Variants in TBC1D22A observed in about 807,000 individuals in gnomAD.
The protein encoded by TBC1D22A is putative GTPase activator.
A neutral mutation model predicts 60.2 loss-of-function variants in TBC1D22A; 38 were observed. The ratio of observed to expected loss-of-function variants is 0.63; its 90% CI spans 0.49 to 0.83. The LOEUF (loss-of-function observed/expected upper bound fraction) is 0.83, where lower values mean the gene tolerates loss of function less well. TBC1D22A is among the 40% of genes least tolerant of loss of function. TBC1D22A has a pLI of 0.00. For missense variants in TBC1D22A, 628 were observed against 701.0 expected (o/e 0.90, Z 1.18); for synonymous variants, 302 against 281.7 (o/e 1.07, Z -0.72).
rs1462860104 is a variant in TBC1D22A at position 46,781,135 on chromosome 22, A to AT, written c.63-11381dup. On this transcript the variant is annotated intron_variant, in intron 1 of 12. Transcript: ENST00000337137. ...TCTTCTCCCTGGAGGTGCCCTCCCA[A>AT]TTTTGTTTTTTTTTTTTTTTTTAGA... Among the ~76,000 whole-genome samples the AT allele has an allele frequency of 2.0e-3, 193 of 98,336 alleles. 1 individual carries two copies. The highest frequency in any genetic ancestry group is 0.015 in the South Asian group (46 of 3,006). The allele number at this position is 98,336 out of a possible 152,430, so 64.5% of individuals were successfully genotyped here. A position where few individuals can be genotyped will look rare whatever the true frequency, so the allele number is the denominator to read the frequency against.
intron 10 of TBC1D22A, among the ~76,000 whole-genome samples, chr22:47,001,666 TTCAGAGA>T (rs2061415867): frequency 6.6e-6 from 1 of 152,156 alleles, no homozygotes; most frequent in African/African-American, 2.4e-5. Context: ...TAGAAAGGAC[TTCAGAGA>T]TAAGAGCATA....
chr22:46,980,213 C>T (rs925932060), intron 9 of TBC1D22A, among the ~76,000 whole-genome samples: 6 of 152,334 alleles, frequency 3.9e-5, no homozygotes, highest in East Asian at 1.9e-4. Context: ...GATGGAGTCT[C>T]GCTCTGTTGC....
intron 10 of TBC1D22A, among the ~76,000 whole-genome samples, chr22:47,022,560 A>AC (rs1449791307): frequency 5.4e-5 from 8 of 149,024 alleles, no homozygotes; most frequent in African/African-American, 2.1e-4. Flanking sequence ...TCAAAAAAAA[A>AC]AACACCAAAA....
At chr22:46,960,614 G>T (rs923392497) in intron 8 of TBC1D22A, among the ~76,000 whole-genome samples, 1 of 152,132 alleles carries the variant, frequency 6.6e-6, no homozygotes, top group Non-Finnish European at 1.5e-5. Context: ...AGTCTGCTCT[G>T]CCACTACCAC....
intron 8 of TBC1D22A, among the ~76,000 whole-genome samples, chr22:46,917,393 A>C (rs2070441912): frequency 6.6e-6 from 1 of 152,086 alleles, no homozygotes; most frequent in Non-Finnish European, 1.5e-5. Flanking sequence ...GCCTGAGAGG[A>C]GGGCCTGGTC....
intron 12 of TBC1D22A, among the ~76,000 whole-genome samples, chr22:47,119,710 T>C (rs2066202804): frequency 2.0e-5 from 3 of 152,166 alleles, no homozygotes; most frequent in South Asian, 4.1e-4. Flanking sequence ...TTGGCCAGGC[T>C]GGTCTCGAAC....
At chr22:46,952,492 C>T (rs1286331826) in intron 8 of TBC1D22A, among the ~76,000 whole-genome samples, 1 of 152,192 alleles carries the variant, frequency 6.6e-6, no homozygotes, top group Non-Finnish European at 1.5e-5. Context: ...GTACGTTTTT[C>T]TGGATAAAGG....
intron 9 of TBC1D22A, among the ~76,000 whole-genome samples, chr22:46,997,030 C>G (rs1443001070): frequency 6.6e-6 from 1 of 152,250 alleles, no homozygotes; most frequent in African/African-American, 2.4e-5. Flanking sequence ...GGCTGTTTGA[C>G]TTGAAACTGC....
intron 7 of TBC1D22A, among the ~76,000 whole-genome samples, chr22:46,903,090 G>A (rs932743588): frequency 4.6e-5 from 7 of 152,150 alleles, no homozygotes; most frequent in Non-Finnish European, 8.8e-5. Context: ...GTTGGGCCGT[G>A]GATCTCTCCC....
intron 9 of TBC1D22A, among the ~76,000 whole-genome samples, chr22:46,991,040 G>A (rs1362845583): frequency 1.3e-5 from 2 of 152,152 alleles, no homozygotes; most frequent in East Asian, 1.9e-4. Context: ...TGGAAGGTGC[G>A]GAATTAGGGG....
At chr22:47,018,795 A>G (rs1024250023) in intron 10 of TBC1D22A, among the ~76,000 whole-genome samples, 3 of 152,094 alleles carry the variant, frequency 2.0e-5, no homozygotes, top group African/African-American at 7.2e-5. Flanking sequence ...AATGGAGGCG[A>G]CTGGGATCCT....
At chr22:47,016,997 C>T (rs565264682) in intron 10 of TBC1D22A, among the ~76,000 whole-genome samples, 6 of 152,346 alleles carry the variant, frequency 3.9e-5, no homozygotes, top group African/African-American at 9.6e-5. Context: ...CGATGGTCGC[C>T]GATGGCGGCT....
intron 8 of TBC1D22A, among the ~76,000 whole-genome samples, chr22:46,923,617 C>T (rs368996454): frequency 2.0e-5 from 3 of 152,238 alleles, no homozygotes; most frequent in African/African-American, 7.2e-5. Context: ...CTTGCCCGCT[C>T]AGCGCTCACT....
At chr22:47,126,231 C>T (rs1241926212) in intron 12 of TBC1D22A, among the ~76,000 whole-genome samples, 1 of 152,254 alleles carries the variant, frequency 6.6e-6, no homozygotes, top group African/African-American at 2.4e-5. Flanking sequence ...ATCCGCCTGC[C>T]TTGGCCTCCC....
At chr22:46,916,331 A>G (rs929838128) in intron 8 of TBC1D22A, among the ~76,000 whole-genome samples, 11 of 152,204 alleles carry the variant, frequency 7.2e-5, no homozygotes, top group African/African-American at 2.7e-4. Context: ...AGGTGTGCTC[A>G]GAGGTGGGTT....
chr22:46,803,005 G>C (rs183716730), intron 4 of TBC1D22A, among the ~76,000 whole-genome samples: 85 of 152,230 alleles, frequency 5.6e-4, no homozygotes, highest in African/African-American at 1.9e-3. Flanking sequence ...ACACTCCAGA[G>C]ATGGCATTTC....
chr22:47,111,968 G>A (rs910593694), intron 12 of TBC1D22A, among the ~76,000 whole-genome samples: 1 of 152,336 alleles, frequency 6.6e-6, no homozygotes, highest in South Asian at 2.1e-4. Context: ...GATGCTTTAG[G>A]GACAGGGCTG....
In TBC1D22A at chr22:46,777,566, A is replaced by T. The variant is rs2083756843; in HGVS notation, c.62+14718A>T. Among the ~76,000 whole-genome samples the T allele has an allele frequency of 2.0e-5, 3 of 151,950 alleles. No individual in the cohort carries two copies. The highest frequency in any genetic ancestry group is 7.3e-5 in the African/African-American group (3 of 41,332). On this transcript the variant is annotated intron_variant, in intron 1 of 12. Coordinates refer to ENST00000337137, the MANE Select transcript of TBC1D22A (RefSeq NM_014346.5). The surrounding 1 kb of genome is among the most constrained non-coding windows in gnomAD (Gnocchi z 4.5). ...ATTTTTCATAAGAGAAGGAAGGAGGACTGAGGACTCGGCTTTGGGGAGCAG... is the reference window on the plus strand; with the variant it reads ...ATTTTTCATAAGAGAAGGAAGGAGGTCTGAGGACTCGGCTTTGGGGAGCAG...
intron 7 of TBC1D22A, among the ~76,000 whole-genome samples, chr22:46,906,801 A>ATGTATG (rs1569204263): frequency 7.1e-6 from 1 of 141,776 alleles, no homozygotes; most frequent in Non-Finnish European, 1.5e-5. Flanking sequence ...GTGTGTGTGT[A>ATGTATG]TGTGTGTGTG....
Sources: allele counts gnomAD v4.1 joint callset (sites outside exome capture counted in the v4.1 genomes callset), GRCh38; gene constraint gnomAD v4.1.1; non-coding constraint Gnocchi (gnomAD v3.1); transcripts MANE v1.5; gene names NCBI Gene and HGNC (gene_info 2026-07-23, HGNC 2026-07-21).